RPAP3: variants seen among roughly 807,000 people sequenced by gnomAD.
RPAP3 encodes the protein RNA polymerase II associated protein 3.
A neutral mutation model predicts 88.8 loss-of-function variants in RPAP3; 58 were observed. The ratio of observed to expected loss-of-function variants is 0.65; its 90% CI spans 0.53 to 0.81. RPAP3 has a LOEUF of 0.81. Among genes scored for constraint, RPAP3 ranks in the 40% least tolerant of loss-of-function variants. The pLI, the probability that RPAP3 is intolerant of heterozygous loss-of-function variation, is 0.00. For synonymous variants in RPAP3, 255 were observed against 259.9 expected, an observed-to-expected ratio of 0.98 and a Z score of 0.18; for missense variants, 751 against 764.3, an observed-to-expected ratio of 0.98 and a Z score of 0.20.
Position 47,663,605 on chromosome 12 carries a change from G to T in RPAP3, c.1913-15C>A, listed in dbSNP as rs1938804496. 1.4e-6 allele frequency: 2 copies of T among 1,438,400 alleles called. No homozygotes were observed. The highest frequency in any genetic ancestry group is 1.9e-6 in the Non-Finnish European group (2 of 1,058,206). 89.1% of individuals were successfully genotyped at this position (1,438,400 alleles called of 1,614,324 possible). A position where few individuals can be genotyped will look rare whatever the true frequency, so the allele number is the denominator to read the frequency against. On this transcript the variant is annotated splice_polypyrimidine_tract_variant and intron_variant, in intron 16 of 16. Transcript: ENST00000005386. ...TGCACGTGCAACTGAAAAAGAAAAAGAAATTCTCCATTTTAATCTCATTTT... is the reference window on the plus strand; with the variant it reads ...TGCACGTGCAACTGAAAAAGAAAAATAAATTCTCCATTTTAATCTCATTTT...
Position 47,686,667 on chromosome 12 carries a change from T to A in RPAP3, c.992+113A>T, listed in dbSNP as rs145812867. The A allele has an allele frequency of 7.2e-4, 527 of 732,478 alleles. 3 individuals are homozygous for A. In the African/African-American group the frequency reaches 7.6e-3, roughly 11 times the overall value. 45.4% of individuals were successfully genotyped at this position (732,478 alleles called of 1,614,324 possible). On this transcript the variant is annotated intron_variant, in intron 9 of 16. Coordinates refer to ENST00000005386, the MANE Select transcript of RPAP3 (RefSeq NM_024604.3). ...TACTTAAATTTACCATAAATTGGCA[T>A]GTGAGCTAACCTAACACGCCATAAT...
chr12:47,705,812 C>CCGCCTCAACGCG (rs1335748920), intron 1 of RPAP3, 140 bp downstream of exon 1: 1 of 159,232 alleles, frequency 6.3e-6, no homozygotes, highest in Non-Finnish European at 1.4e-5. Flanking sequence ...CACCGACGCG[C>CCGCCTCAACGCG]CGCCTCAACG....
chr12:47,690,381 T>A, intron 6 of RPAP3, 137 bp downstream of exon 6: 1 of 632,904 alleles, frequency 1.6e-6, no homozygotes, highest in Non-Finnish European at 2.4e-6. Flanking sequence ...CAAGATATCA[T>A]TTCAGTTGCA....
chr12:47,693,854 G>C (rs865857461), intron 5 of RPAP3, among the ~76,000 whole-genome samples: 2 of 152,150 alleles, frequency 1.3e-5, no homozygotes, highest in Admixed American at 1.3e-4. Flanking sequence ...AGACCAACAA[G>C]AGACAAACAA....
At chr12:47,684,899 A>T (rs1389250069) in intron 9 of RPAP3, among the ~76,000 whole-genome samples, 1 of 152,214 alleles carries the variant, frequency 6.6e-6, no homozygotes, top group East Asian at 1.9e-4. Context: ...ACTTTAAATG[A>T]GGTTAAATAT....
chr12:47,683,491 T>C (rs1327595828), intron 9 of RPAP3, among the ~76,000 whole-genome samples: 1 of 152,216 alleles, frequency 6.6e-6, no homozygotes, highest in African/African-American at 2.4e-5. Context: ...TTTAATTGTA[T>C]ATTTAATTGC....
At chr12:47,680,829 C>T (rs1204260001) in intron 10 of RPAP3, among the ~76,000 whole-genome samples, 1 of 146,476 alleles carries the variant, frequency 6.8e-6, no homozygotes, top group Non-Finnish European at 1.5e-5. Context: ...AAACCACAGC[C>T]CGAAGAGTTT....
chr12:47,680,672 C>A (rs998341200), intron 10 of RPAP3, among the ~76,000 whole-genome samples: 10 of 151,622 alleles, frequency 6.6e-5, no homozygotes, highest in Admixed American at 1.3e-4. Context: ...ATAGAAAACA[C>A]ACACAGGAGA....
At chr12:47,670,771 G>A (rs557231702) in intron 12 of RPAP3, among the ~76,000 whole-genome samples, 1 of 152,272 alleles carries the variant, frequency 6.6e-6, no homozygotes, top group African/African-American at 2.4e-5. Flanking sequence ...TGGAGATGAA[G>A]CCTCAAAGGC....
Position 47,668,921 on chromosome 12 carries a change from AATACTGATACAACAT to A in RPAP3, c.1693_1707del (p.Met565_Tyr569del). Reference sequence around the variant, plus strand: ...ACTACCTTCCTCTCTCTTACCTTTAAATACTGATACAACATATCTGGAGAACTTTTCAATTGTCTG... The same window carrying A: ...ACTACCTTCCTCTCTCTTACCTTTAAATCTGGAGAACTTTTCAATTGTCTG... On this transcript the variant is annotated inframe_deletion, in exon 14 of 17. Coordinates refer to ENST00000005386, the MANE Select transcript of RPAP3 (RefSeq NM_024604.3). 1 of 1,611,784 alleles carries A rather than the reference AATACTGATACAACAT, an allele frequency of 6.2e-7. No individual in the cohort carries two copies. Among genetic ancestry groups the A allele is most frequent in the Non-Finnish European group, 8.5e-7 (1 of 1,177,892 alleles).
At chr12:47,689,929 T>C (rs893445582) in intron 6 of RPAP3, among the ~76,000 whole-genome samples, 12 of 151,168 alleles carry the variant, frequency 7.9e-5, no homozygotes, top group South Asian at 2.1e-4. Flanking sequence ...TAATCCCGGA[T>C]ACTTGGGAGG....
At chr12:47,673,879 G>A (rs112188996) in intron 12 of RPAP3, among the ~76,000 whole-genome samples, 6 of 152,002 alleles carry the variant, frequency 3.9e-5, no homozygotes, top group South Asian at 4.2e-4. Context: ...CTTCAGAAAA[G>A]AACAGTAATA....
chr12:47,686,964 G>A (rs1306107538), intron 8 of RPAP3, 57 bp from the exon 9 acceptor site: 9 of 1,099,336 alleles, frequency 8.2e-6, no homozygotes, highest in Admixed American at 5.0e-5. Flanking sequence ...AAAAATAAAT[G>A]AATTCAAATC....
intron 15 of RPAP3, 43 bp from the exon 16 acceptor site, chr12:47,667,123 A>G: frequency 1.1e-6 from 1 of 886,132 alleles, no homozygotes; most frequent in Non-Finnish European, 1.6e-6. Context: ...AGTTAAAAGC[A>G]GCTCATTTAT....
Position 47,679,548 on chromosome 12 carries a change from G to A in RPAP3, c.1232C>T (p.Thr411Ile). 4 of 1,606,626 alleles carry A rather than the reference G, an allele frequency of 2.5e-6. No homozygotes were observed. The highest frequency in any genetic ancestry group is 3.4e-6 in the Non-Finnish European group (4 of 1,175,748). The change falls in exon 12 of 17, where the codon ACA (threonine) becomes ATA (isoleucine). Residue 411 changes from threonine (T) to isoleucine (I), a missense_variant. Transcript: ENST00000005386. Reference protein sequence around the residue: ...GHWDDVFLDSTQRQNVVKPID... With the variant: ...GHWDDVFLDSIQRQNVVKPID... ...GGGTTTTACCACATTTTGTCTTTGT[G>A]TGGAATCAAGAAAGACATCATCCCA... is the stretch of plus-strand genomic sequence containing the variant.
At chr12:47,705,469 T>C (rs994068310) in intron 1 of RPAP3, among the ~76,000 whole-genome samples, 1 of 152,202 alleles carries the variant, frequency 6.6e-6, no homozygotes, top group Non-Finnish European at 1.5e-5. Context: ...GGGGGTTAGA[T>C]GCTTTTCCAT....
At chr12:47,701,234 TA>T (rs1340007362) in intron 3 of RPAP3, 1 of 323,726 alleles carries the variant, frequency 3.1e-6, no homozygotes. Context: ...GAAAAAAGAA[TA>T]AAATCCTGGC....
chr12:47,693,912 A>T (rs1939475269), intron 5 of RPAP3, among the ~76,000 whole-genome samples: 1 of 152,246 alleles, frequency 6.6e-6, no homozygotes, highest in Non-Finnish European at 1.5e-5. Flanking sequence ...AAAAAATTGT[A>T]AGACTGTTTT....
chr12:47,688,456 A>C (rs1170918038), intron 7 of RPAP3, among the ~76,000 whole-genome samples: 1 of 152,186 alleles, frequency 6.6e-6, no homozygotes, highest in African/African-American at 2.4e-5. Context: ...CCATGTAAAA[A>C]GCCTGCACAT....
Sources: allele counts gnomAD v4.1 joint callset (sites outside exome capture counted in the v4.1 genomes callset), GRCh38; gene constraint gnomAD v4.1.1; transcripts MANE v1.5; gene names NCBI Gene and HGNC (gene_info 2026-07-23, HGNC 2026-07-21).